The following KRT222 variants were observed in gnomAD, a reference collection of about 807,000 sequenced individuals.
KRT222 encodes keratin 222.
KRT222 carries 23 observed loss-of-function variants against 35.0 expected under a neutral mutation model. The observed-to-expected ratio is 0.66, with a 90% CI of 0.47 to 0.93. The LOEUF (loss-of-function observed/expected upper bound fraction) is 0.93. Among genes scored for constraint, KRT222 ranks in the 40% least tolerant of loss-of-function variants. KRT222 has a pLI of 0.00. For synonymous variants in KRT222, 108 were observed against 118.8 expected (o/e 0.91, Z 0.59); for missense variants, 339 against 346.3 (o/e 0.98, Z 0.17).
In KRT222 at chr17:40,655,348, C is replaced by G. The variant is rs953518667; in HGVS notation, c.*1054G>C. The G allele has an allele frequency of 6.6e-6, 1 of 151,994 alleles. No individual in the cohort carries two copies. Among genetic ancestry groups the G allele is most frequent in the Non-Finnish European group, 1.5e-5 (1 of 67,936 alleles). The allele number at this position is 151,994 out of a possible 1,614,324, so 9.4% of individuals were successfully genotyped here. ...TTAAAAACTTTGCAACAATACCTCA[C>G]TTATTCACAAATATATTTTCTACCC... On this transcript the variant is annotated 3_prime_UTR_variant, in exon 6 of 6. Transcript: ENST00000394052.
Position 40,664,131 on chromosome 17 carries a change from A to G in KRT222, c.96+873T>C, listed in dbSNP as rs190830057. Reference sequence around the variant, plus strand: ...TATTCTTAAGTAAACTTTTTGCTGTATTTCAGGGTTTGGAAGATAACTTGA... The same window carrying G: ...TATTCTTAAGTAAACTTTTTGCTGTGTTTCAGGGTTTGGAAGATAACTTGA... On this transcript the variant is annotated intron_variant, in intron 1 of 5. Transcript: ENST00000394052. 3.9e-5 allele frequency among the ~76,000 whole-genome samples: 6 copies of G among 152,084 alleles called. No individual in the cohort carries two copies. In the East Asian group the frequency reaches 1.2e-3, roughly 29 times the overall value.
Position 40,657,742 on chromosome 17 carries a change from C to G in KRT222, c.455G>C (p.Gly152Ala). The G allele has an allele frequency of 1.2e-6, 2 of 1,608,944 alleles. No homozygotes were observed. The highest frequency in any genetic ancestry group is 1.7e-6 in the Non-Finnish European group (2 of 1,176,604). ...LLEKEEIRYY[G>A]CIQGGKKDKK... ...GTCTTTTTTCCCACCTTGGATACAA[C>G]CATAATATCTGAAATCAGAAAGAAT... The change falls in exon 4 of 6, where the codon GGT (glycine) becomes GCT (alanine). Residue 152 changes from glycine (G) to alanine (A), a missense_variant. Gly to Ala is a moderately conservative substitution (Grantham distance 60). Transcript: ENST00000394052.
rs990877391 is a variant in KRT222, at chr17:40,661,856, C to T, written c.225+60G>A. On this transcript the variant is annotated intron_variant, in intron 2 of 5. Coordinates refer to ENST00000394052, the MANE Select transcript of KRT222 (RefSeq NM_152349.3). ...ATAAACAGACATTCATCTTTTCCTTCTCTTAATCAAATCACATCTGAGGAC... is the reference window on the plus strand; with the variant it reads ...ATAAACAGACATTCATCTTTTCCTTTTCTTAATCAAATCACATCTGAGGAC... The T allele has an allele frequency of 3.2e-6, 5 of 1,562,716 alleles. No homozygotes were observed. The African/African-American group carries it at 6.9e-5, about 22-fold the overall frequency.
chr17:40,656,946 T>A (rs1242336751), intron 5 of KRT222, among the ~76,000 whole-genome samples: 1 of 152,076 alleles, frequency 6.6e-6, no homozygotes, highest in African/African-American at 2.4e-5. Context: ...TGGTGGCTCA[T>A]GCCTGTAATC....
intron 1 of KRT222, 104 bp from the exon 2 acceptor site, chr17:40,662,148 G>A: frequency 7.0e-7 from 1 of 1,424,162 alleles, no homozygotes; most frequent in Non-Finnish European, 9.5e-7. Context: ...AGGAATCAAA[G>A]CATTTTTCCT....
intron 3 of KRT222, among the ~76,000 whole-genome samples, chr17:40,658,218 T>A (rs1269641401): frequency 6.6e-6 from 1 of 151,904 alleles, no homozygotes; most frequent in Non-Finnish European, 1.5e-5. Flanking sequence ...TTTTTTGAAA[T>A]TTTCTTGTAT....
chr17:40,664,487 G>A (rs537437944), intron 1 of KRT222, among the ~76,000 whole-genome samples: 2 of 152,226 alleles, frequency 1.3e-5, no homozygotes, highest in South Asian at 4.1e-4. Context: ...TGAATGCCAT[G>A]TTCACACACT....
intron 3 of KRT222, among the ~76,000 whole-genome samples, chr17:40,658,281 CTT>C (rs774009739): frequency 1.3e-5 from 2 of 151,516 alleles, no homozygotes; most frequent in Non-Finnish European, 2.9e-5. Flanking sequence ...ATATTAAAGA[CTT>C]TGATCAATAT....
intron 1 of KRT222, among the ~76,000 whole-genome samples, chr17:40,663,209 G>A (rs1029467556): frequency 2.0e-5 from 3 of 152,206 alleles, no homozygotes; most frequent in Non-Finnish European, 4.4e-5. Flanking sequence ...AGCTAAGCTT[G>A]TTCGGTAACT....
rs1486323770 is a variant in KRT222, at chr17:40,657,361, C to G, written c.650G>C (p.Gly217Ala). 1 of 1,590,046 alleles carries G rather than the reference C, an allele frequency of 6.3e-7. No homozygotes were observed. The change falls in exon 5 of 6, where the codon GGC (glycine) becomes GCC (alanine). Residue 217 changes from glycine to alanine, a missense_variant. Coordinates refer to ENST00000394052, the MANE Select transcript of KRT222 (RefSeq NM_152349.3). ...AAGTTTCTTTACTTACTGAATAGTG[C>G]CATGAGCTTCAGTGCTCTCCTTAAC... ...SIVKESTEAH[G>A]TIQTEKVDEV...
intron 2 of KRT222, among the ~76,000 whole-genome samples, chr17:40,660,952 T>G (rs1356715190): frequency 6.6e-6 from 1 of 152,200 alleles, no homozygotes; most frequent in Non-Finnish European, 1.5e-5. Flanking sequence ...ACTTTTTGTT[T>G]GTTTGTTTGT....
At chr17:40,656,671 G>A (rs2037346814) in intron 5 of KRT222, 41 bp from the exon 6 acceptor site, 1 of 1,128,538 alleles carries the variant, frequency 8.9e-7, no homozygotes, top group Non-Finnish European at 1.3e-6. Flanking sequence ...GAAGAAGTAT[G>A]GGTCTATTAA....
chr17:40,659,956 C>T (rs1567853321), intron 3 of KRT222, 31 bp downstream of exon 3: 1 of 1,574,938 alleles, frequency 6.3e-7, no homozygotes, highest in Non-Finnish European at 8.7e-7. Context: ...TATTTCTGGC[C>T]CCTTGTCATT....
intron 1 of KRT222, among the ~76,000 whole-genome samples, chr17:40,662,837 T>C (rs961486437): frequency 2.0e-5 from 3 of 152,228 alleles, no homozygotes; most frequent in Non-Finnish European, 1.5e-5. Context: ...CCAGGAACAG[T>C]GAGAACAATG....
intron 3 of KRT222, among the ~76,000 whole-genome samples, chr17:40,658,367 A>G (rs889749225): frequency 6.6e-6 from 1 of 152,158 alleles, no homozygotes; most frequent in Non-Finnish European, 1.5e-5. Context: ...ACATGTATAT[A>G]GGAACTGGAA....
chr17:40,657,779 A>G (rs755216816), intron 3 of KRT222, 29 bp from the exon 4 acceptor site: 1 of 1,441,292 alleles, frequency 6.9e-7, no homozygotes, highest in Non-Finnish European at 9.7e-7. Flanking sequence ...TTATTTTAAG[A>G]GCAACACTGT....
At chr17:40,661,128 G>T (rs12943859) in intron 2 of KRT222, among the ~76,000 whole-genome samples, 108,424 of 152,020 alleles carry the variant, frequency 0.71, 39,119 homozygotes, top group African/African-American at 0.83. Flanking sequence ...GTATTTTTAG[G>T]AGAGATGTTT....
chr17:40,660,533 C>T (rs957713860), intron 2 of KRT222, among the ~76,000 whole-genome samples: 3 of 152,092 alleles, frequency 2.0e-5, no homozygotes, highest in Non-Finnish European at 2.9e-5. Flanking sequence ...CCCGCCTTGG[C>T]CTCCCAAAGT....
chr17:40,657,403 A>T lies in KRT222; in HGVS notation c.608T>A (p.Ile203Asn). The T allele has an allele frequency of 6.2e-7, 1 of 1,611,164 alleles. No homozygotes were observed. Among genetic ancestry groups the T allele is most frequent in the Non-Finnish European group, 8.5e-7 (1 of 1,178,868 alleles). Residue 203 changes from isoleucine to asparagine, a missense_variant, in exon 5 of 6, where the codon ATC becomes AAC. Ile to Asn is a moderately radical substitution (Grantham distance 149). Transcript: ENST00000394052. ...CTCCTTAACGATACTCCCATTTAAG[A>T]TTGCCTGTTTGGTTACTGTTTCTAC... ...ENVETVTKQA[I>N]LNGSIVKEST... is the part of the protein sequence containing the mutation.
Sources: gnomAD v4.1 joint callset for allele counts (sites outside exome capture counted in the v4.1 genomes callset) on GRCh38, gnomAD v4.1.1 for gene constraint, MANE v1.5 for transcripts, NCBI Gene and HGNC (gene_info 2026-07-23, HGNC 2026-07-21) for gene names.